Variants in DNAH10 observed in about 807,000 individuals in gnomAD.
DNAH10 encodes the protein dynein axonemal heavy chain 10, also known as axonemal beta dynein heavy chain 10.
A neutral mutation model predicts 506.6 loss-of-function variants in DNAH10; 348 were observed. The ratio of observed to expected loss-of-function variants is 0.69; its 90% CI spans 0.63 to 0.75. The LOEUF is 0.75. Ranked by LOEUF, DNAH10 falls within the 30% of genes least tolerant of loss-of-function variation. DNAH10 has a pLI of 0.00. For missense variants in DNAH10, 5,179 were observed against 5,787.1 expected, an observed-to-expected ratio of 0.89 and a Z score of 3.41; for synonymous variants, 2,059 against 2,198.6, an observed-to-expected ratio of 0.94 and a Z score of 1.78.
At chr12:123,843,719 A>G (rs912376064) in intron 30 of DNAH10, among the ~76,000 whole-genome samples, 4 of 152,200 alleles carry the variant, frequency 2.6e-5, no homozygotes, top group Admixed American at 6.5e-5. Context: ...TTGGGATTAC[A>G]GGTGCACATC....
At chr12:123,890,039 T>G (rs1952908540) in intron 52 of DNAH10, among the ~76,000 whole-genome samples, 1 of 152,180 alleles carries the variant, frequency 6.6e-6, no homozygotes, top group Non-Finnish European at 1.5e-5. Context: ...CCACCATCCT[T>G]GGCTGCGTCA....
Position 123,785,812 on chromosome 12 carries a change from C to G in DNAH10, c.1297C>G (p.Arg433Gly), listed in dbSNP as rs756098229. 3 of 1,613,970 alleles carry G rather than the reference C, an allele frequency of 1.9e-6. No individual in the cohort carries two copies. The East Asian group carries it at 6.7e-5, about 36-fold the overall frequency. The part of the protein sequence containing the change: ...DTIPAMMSAL[R>G]MVWIISRHYN... ...CATCCCCGCCATGATGAGTGCCCTG[C>G]GGATGGTGTGGATCATCTCCCGACA... is the stretch of plus-strand genomic sequence containing the variant. Residue 433 changes from arginine (R) to glycine (G), a missense_variant, in exon 9 of 79, where the codon CGG (arginine) becomes GGG (glycine). By Grantham distance (125) the Arg-to-Gly change is moderately radical. Coordinates refer to ENST00000673944, the MANE Select transcript of DNAH10 (RefSeq NM_001372106.1). This position sits in a 1 kb window ranked among gnomAD's most constrained non-coding sequence, Gnocchi z 4.1.
rs1957628008 is a variant in DNAH10, at chr12:123,781,052, G to A, written c.622-28G>A. On this transcript the variant is annotated intron_variant, in intron 5 of 78. Coordinates refer to ENST00000673944, the MANE Select transcript of DNAH10 (RefSeq NM_001372106.1). ...TGAATTATTGAAAATGACTTCATAT[G>A]ATGTATTTCATAAAATTGGCATTTC... 3 of 1,551,726 alleles carry A rather than the reference G, an allele frequency of 1.9e-6. No homozygotes were observed. The East Asian group carries it at 7.0e-5, about 36-fold the overall frequency.
chr12:123,841,542 G>C lies in DNAH10; in HGVS notation c.5357G>C (p.Ser1786Thr). Residue 1786 changes from serine (S) to threonine (T), a missense_variant, in exon 30 of 79, where the codon AGC becomes ACC. Ser to Thr is a moderately conservative substitution (Grantham distance 58). Around this residue, in one of 3 missense-constraint regions of DNAH10, gnomAD observed 4,844 missense variants for 5,430.5 expected, o/e 0.89. Transcript: ENST00000673944. ...ATTTTTAGATACTGTGAAGACAGAA[G>C]CAGGTAAGGCTGCGAATGTGGACAT... ...EAIFRYCEDRSRVDWMLLYQG... is the reference protein window; with the variant it reads ...EAIFRYCEDRTRVDWMLLYQG... The C allele has an allele frequency of 1.2e-6, 2 of 1,613,524 alleles. No homozygotes were observed. Among genetic ancestry groups the C allele is most frequent in the Non-Finnish European group, 1.7e-6 (2 of 1,179,616 alleles).
chr12:123,797,095 T>C (rs1958306789), intron 13 of DNAH10, among the ~76,000 whole-genome samples: 1 of 152,184 alleles, frequency 6.6e-6, no homozygotes, highest in Non-Finnish European at 1.5e-5. Flanking sequence ...ATGGTCTGGA[T>C]TTCCTGACCT....
In DNAH10 at chr12:123,774,168, C is replaced by T. The variant is rs560580618; in HGVS notation, c.525C>T (p.Thr175=). 2.2e-5 allele frequency: 35 copies of T among 1,609,538 alleles called. No homozygotes were observed. Among genetic ancestry groups the T allele is most frequent in the African/African-American group, 1.9e-4 (14 of 74,744 alleles). ...CTTTAGAGGCAATCTCTGAAGCTAC[C>T]GACATGAAGGAAGCTATGGAAATTA... ...RNTKEAISEA[T]DMKEAMEIMP... is the part of the protein sequence containing the mutation. The change falls in exon 5 of 79, where the codon ACC becomes ACT. Residue 175 remains threonine, a synonymous_variant. Coordinates refer to ENST00000673944, the MANE Select transcript of DNAH10 (RefSeq NM_001372106.1).
At chr12:123,790,240 CT>C in intron 11 of DNAH10, 119 bp downstream of exon 11, 1 of 982,472 alleles carries the variant, frequency 1.0e-6, no homozygotes, top group Non-Finnish European at 1.5e-6. Context: ...GTAATACCTG[CT>C]TATTAATTAT....
At position 123,864,688 on chromosome 12, in the gene DNAH10, G is replaced by A. The variant is rs1395840241; in HGVS notation, c.7002G>A (p.Gly2334=). The A allele has an allele frequency of 1.9e-6, 3 of 1,613,954 alleles. No individual in the cohort carries two copies. The highest frequency in any genetic ancestry group is 1.7e-5 in the Admixed American group (1 of 60,016). ...DDNRLLTLAN[G]ERIRLQAHCA... ...ACAGGTTGTTGACATTGGCCAACGG[G>A]GAACGCATCCGGCTCCAAGCACACT... The change falls in exon 40 of 79, where the codon GGG becomes GGA. Residue 2334 remains glycine (G), a synonymous_variant. Transcript: ENST00000673944.
chr12:123,791,356 TCAC>T (rs1958073394), intron 11 of DNAH10, among the ~76,000 whole-genome samples: 1 of 152,156 alleles, frequency 6.6e-6, no homozygotes, highest in African/African-American at 2.4e-5. Flanking sequence ...CCCATTGCGC[TCAC>T]CTTTTCAGTC....
intron 32 of DNAH10, among the ~76,000 whole-genome samples, chr12:123,847,477 CA>C (rs1342521187): frequency 1.3e-5 from 2 of 152,124 alleles, no homozygotes; most frequent in Non-Finnish European, 2.9e-5. Context: ...GAAGTTCTGA[CA>C]GTGAGAGAGC....
Position 123,864,607 on chromosome 12 carries a change from T to G in DNAH10, c.6921T>G (p.Phe2307Leu), listed in dbSNP as rs774646670. 13 of 1,613,834 alleles carry G rather than the reference T, an allele frequency of 8.1e-6. No individual in the cohort carries two copies. The highest frequency in any genetic ancestry group is 1.0e-5 in the Non-Finnish European group (12 of 1,179,834). The stretch of plus-strand genomic sequence containing the variant: ...TTGGTTGCTGCAGGTATATTTTATT[T>G]GATGGTGATGTGGATGCTCTATGGG... ...TDKKERKYIL[F>L]DGDVDALWVE... Residue 2307 changes from phenylalanine (F) to leucine (L), a missense_variant, in exon 40 of 79, where the codon TTT (phenylalanine) becomes TTG (leucine). By Grantham distance (22) the Phe-to-Leu change is conservative. Coordinates refer to ENST00000673944, the MANE Select transcript of DNAH10 (RefSeq NM_001372106.1).
rs1955024645 is a variant in DNAH10 at position 123,928,062 on chromosome 12, T to G, written c.12106-325T>G. Reference sequence around the variant, plus strand: ...TCCTGGTGGGCTTTAGCTGGTCTCTTGCAGCCCTGCTCAGGAGTCCTCAGG... The same window carrying G: ...TCCTGGTGGGCTTTAGCTGGTCTCTGGCAGCCCTGCTCAGGAGTCCTCAGG... On this transcript the variant is annotated intron_variant, in intron 69 of 78. Transcript: ENST00000673944. This position sits in a 1 kb window ranked among gnomAD's most constrained non-coding sequence, Gnocchi z 4.9. The G allele has an allele frequency of 1.2e-5, 5 of 432,298 alleles. No individual in the cohort carries two copies. The highest frequency in any genetic ancestry group is 1.7e-5 in the Non-Finnish European group (4 of 239,936). 26.8% of individuals were successfully genotyped at this position (432,298 alleles called of 1,614,324 possible). A position where few individuals can be genotyped will look rare whatever the true frequency, so the allele number is the denominator to read the frequency against.
chr12:123,913,428 T>A lies in DNAH10; in HGVS notation c.10352+113T>A. 8.7e-7 allele frequency: 1 copy of A among 1,143,088 alleles called. No homozygotes were observed. Among genetic ancestry groups the A allele is most frequent in the Non-Finnish European group, 1.2e-6 (1 of 827,628 alleles). The allele number at this position is 1,143,088 out of a possible 1,614,324, so 70.8% of individuals were successfully genotyped here. On this transcript the variant is annotated intron_variant, in intron 60 of 78. Transcript: ENST00000673944. This position sits in a 1 kb window ranked among gnomAD's most constrained non-coding sequence, Gnocchi z 5.1. ...GTTGTGTTTTTATGTGAAAACCATG[T>A]GACCAGGTCTTATGTTCCTATTATC...
rs761123292 is a variant in DNAH10, at chr12:123,847,945, A to C, written c.5815-16A>C. 3 of 1,592,354 alleles carry C rather than the reference A, an allele frequency of 1.9e-6. No homozygotes were observed. The highest frequency in any genetic ancestry group is 2.6e-6 in the Non-Finnish European group (3 of 1,169,520). On this transcript the variant is annotated splice_polypyrimidine_tract_variant and intron_variant, in intron 32 of 78. Transcript: ENST00000673944. ...GTGCACCAGAAAACATATGTTTTGC[A>C]TTTGGCTTATAACAGGCGCTGTCCA...
At chr12:123,923,537 C>T (rs1350552156) in intron 65 of DNAH10, 24 of 394,760 alleles carry the variant, frequency 6.1e-5, no homozygotes, top group Admixed American at 8.9e-5. Context: ...TGGCCATTTC[C>T]GTTACATACA....
chr12:123,875,110 A>C, intron 46 of DNAH10, 121 bp from the exon 47 acceptor site: 3 of 1,169,978 alleles, frequency 2.6e-6, no homozygotes, highest in Non-Finnish European at 3.5e-6. Flanking sequence ...ATGAAACTGA[A>C]ACCGAGGTGC....
chr12:123,796,010 T>C (rs1230757197), intron 12 of DNAH10, among the ~76,000 whole-genome samples: 1 of 151,898 alleles, frequency 6.6e-6, no homozygotes, highest in East Asian at 1.9e-4. Flanking sequence ...CTGCAAAAAC[T>C]AAAAACTAAA....
At position 123,850,763 on chromosome 12, in the gene DNAH10, G is replaced by C; in HGVS notation, c.6103-125G>C. ...ACACCGGGGAGGGAAAAAGAGACAAGTGGTGTTGTCAGCCTCATACCATGA... is the reference window on the plus strand; with the variant it reads ...ACACCGGGGAGGGAAAAAGAGACAACTGGTGTTGTCAGCCTCATACCATGA... On this transcript the variant is annotated intron_variant, in intron 34 of 78. Transcript: ENST00000673944. The surrounding 1 kb of genome is among the most constrained non-coding windows in gnomAD (Gnocchi z 5.5). 1.0e-6 allele frequency: 1 copy of C among 974,106 alleles called. No individual in the cohort carries two copies. Among genetic ancestry groups the C allele is most frequent in the Non-Finnish European group, 1.5e-6 (1 of 679,244 alleles). The allele number at this position is 974,106 out of a possible 1,614,324, so 60.3% of individuals were successfully genotyped here. A position where few individuals can be genotyped will look rare whatever the true frequency, so the allele number is the denominator to read the frequency against.
intron 47 of DNAH10, 75 bp downstream of exon 47, chr12:123,875,566 C>T (rs1952221983): frequency 3.2e-6 from 5 of 1,573,838 alleles, no homozygotes; most frequent in Admixed American, 1.7e-5. Flanking sequence ...GCTGACTTAT[C>T]CATGTAGGCA....
Sources: allele counts gnomAD v4.1 joint callset (sites outside exome capture counted in the v4.1 genomes callset), GRCh38; gene constraint gnomAD v4.1.1; regional missense constraint gnomAD v4.1.1; non-coding constraint Gnocchi (gnomAD v3.1); transcripts MANE v1.5; gene names NCBI Gene and HGNC (gene_info 2026-07-23, HGNC 2026-07-21).